Variants in TSBP1 observed in about 807,000 individuals in gnomAD.
The protein encoded by TSBP1 is testis-expressed basic protein 1.
In TSBP1, 56 loss-of-function variants were observed where a neutral mutation model predicts 68.8. The observed-to-expected ratio is 0.81, with a 90% CI of 0.66 to 1.02. TSBP1 has a LOEUF of 1.02. TSBP1 is among the 50% of genes least tolerant of loss of function. The pLI is 0.00. For missense variants in TSBP1, 502 were observed against 641.2 expected, an observed-to-expected ratio of 0.78 and a Z score of 2.34; for synonymous variants, 171 against 208.7, an observed-to-expected ratio of 0.82 and a Z score of 1.56.
Position 32,336,647 on chromosome 6 carries a change from A to C in TSBP1, c.410-12T>G. ...GGCTGTGAATTGCACTGAAATACAAAAAGGAGGAAAGTGTGGTTTGACATT... is the reference window on the plus strand; with the variant it reads ...GGCTGTGAATTGCACTGAAATACAACAAGGAGGAAAGTGTGGTTTGACATT... On this transcript the variant is annotated splice_polypyrimidine_tract_variant and intron_variant, in intron 11 of 22. Coordinates refer to ENST00000612031, the Ensembl canonical transcript of TSBP1. This position sits in a 1 kb window ranked among gnomAD's most constrained non-coding sequence, Gnocchi z 5.2. The C allele has an allele frequency of 6.2e-7, 1 of 1,611,640 alleles. No homozygotes were observed. Among genetic ancestry groups the C allele is most frequent in the Non-Finnish European group, 8.5e-7 (1 of 1,178,746 alleles).
intron 16 of TSBP1, among the ~76,000 whole-genome samples, chr6:32,324,107 T>C (rs1767944642): frequency 6.6e-6 from 1 of 152,162 alleles, no homozygotes; most frequent in Non-Finnish European, 1.5e-5. Context: ...TTCCATAGAG[T>C]TATTTAAAAG....
At position 32,365,744 on chromosome 6, in the gene TSBP1, C is replaced by T. The variant is rs1773628904; in HGVS notation, c.217+423G>A. 2.5e-5 allele frequency: 10 copies of T among 406,568 alleles called. No homozygotes were observed. The highest frequency in any genetic ancestry group is 1.8e-4 in the South Asian group (10 of 55,526). The allele number at this position is 406,568 out of a possible 1,614,324, so 25.2% of individuals were successfully genotyped here. ...GAGGAGTGATGTGGGTAAAGTGAAACTGTTCTTCTTACCCTCTTTAATACA... is the reference window on the plus strand; with the variant it reads ...GAGGAGTGATGTGGGTAAAGTGAAATTGTTCTTCTTACCCTCTTTAATACA... On this transcript the variant is annotated intron_variant, in intron 6 of 22. Transcript: ENST00000612031. This position sits in a 1 kb window ranked among gnomAD's most constrained non-coding sequence, Gnocchi z 4.3.
intron 10 of TSBP1, among the ~76,000 whole-genome samples, 181 bp from the exon 12 acceptor site, chr6:32,339,180 T>C (rs560036812): frequency 1.9e-4 from 29 of 152,166 alleles, no homozygotes; most frequent in African/African-American, 6.3e-4. Context: ...CTGCAGTTAT[T>C]TTTCTTATTC....
At chr6:32,317,192 A>C (rs1286472561) in intron 18 of TSBP1, among the ~76,000 whole-genome samples, 1 of 152,180 alleles carries the variant, frequency 6.6e-6, no homozygotes, top group Non-Finnish European at 1.5e-5. Context: ...AAGCTGAGAA[A>C]AACAAGCAAT....
intron 8 of TSBP1, among the ~76,000 whole-genome samples, chr6:32,352,141 G>T (rs1209575655): frequency 2.0e-5 from 3 of 151,922 alleles, no homozygotes; most frequent in Non-Finnish European, 4.4e-5. Flanking sequence ...GCAAGAAATA[G>T]AAGAGAAAAG....
At chr6:32,320,413 T>C (rs574710) in intron 18 of TSBP1, among the ~76,000 whole-genome samples, 51,841 of 151,946 alleles carry the variant, frequency 0.34, 9,987 homozygotes, top group Middle Eastern at 0.52. Context: ...TTTCTGCTAC[T>C]GGCTTTACTC....
In TSBP1 at chr6:32,332,026, C is replaced by A. The variant is rs777737832; in HGVS notation, c.493+8G>T. 1 of 1,594,844 alleles carries A rather than the reference C, an allele frequency of 6.3e-7. No homozygotes were observed. Among genetic ancestry groups the A allele is most frequent in the Admixed American group, 1.7e-5 (1 of 59,994 alleles). On this transcript the variant is annotated splice_region_variant and intron_variant, in intron 15 of 22. Transcript: ENST00000612031. Reference sequence around the variant, plus strand: ...GTAGAGATAAGTTGATATATACAGGCAGCTTACCAATAGGTCCTGGAGTTT... The same window carrying A: ...GTAGAGATAAGTTGATATATACAGGAAGCTTACCAATAGGTCCTGGAGTTT...
intron 9 of TSBP1, among the ~76,000 whole-genome samples, chr6:32,347,344 T>C (rs1771157580): frequency 6.6e-6 from 1 of 152,168 alleles, no homozygotes; most frequent in South Asian, 2.1e-4. Flanking sequence ...TTATTCATTG[T>C]AGAGACAGGG....
intron 6 of TSBP1, among the ~76,000 whole-genome samples, chr6:32,360,774 G>T (rs1772918849): frequency 6.6e-6 from 1 of 152,026 alleles, no homozygotes; most frequent in Admixed American, 6.6e-5. Flanking sequence ...GATGATTAGT[G>T]ATATTGTGCA....
intron 19 of TSBP1, among the ~76,000 whole-genome samples, chr6:32,305,106 A>G (rs1393131596): frequency 2.6e-5 from 4 of 152,264 alleles, no homozygotes; most frequent in South Asian, 4.2e-4. Context: ...CAAGCCCACC[A>G]AGAGTTTGCC....
At position 32,364,744 on chromosome 6, in the gene TSBP1, A is replaced by G. The variant is rs146634283; in HGVS notation, c.217+1423T>C. 1.1e-3 allele frequency among the ~76,000 whole-genome samples: 169 copies of G among 152,030 alleles called. No homozygotes were observed. The East Asian group carries it at 0.033, about 29-fold the overall frequency. On this transcript the variant is annotated intron_variant, in intron 6 of 22. Transcript: ENST00000612031. ...TGGATTGATTTTTAGGCAAACCTTC[A>G]TTTTTGGGGGTTAGTTACTGAAATA...
Position 32,293,937 on chromosome 6 carries a change from G to A in TSBP1, c.736C>T (p.Arg246Ter), listed in dbSNP as rs768002126. The stretch of plus-strand genomic sequence containing the variant: ...TTTAGTGCTTCCTTGTTTTCTTCTC[G>A]GCTATTCTGAGACCTTGCAGTGCCT... Residue 246 changes from arginine (R) to a stop codon, truncating the protein, a stop_gained, in exon 23 of 23, where the codon CGA becomes TGA. Transcript: ENST00000612031. LOFTEE classifies it low-confidence loss of function (END_TRUNC). The A allele has an allele frequency of 7.1e-5, 114 of 1,612,136 alleles. 1 individual carries two copies. The Admixed American group carries it at 1.8e-3, about 25-fold the overall frequency.
intron 19 of TSBP1, among the ~76,000 whole-genome samples, chr6:32,307,777 GGT>G (rs1562072297): frequency 2.1e-5 from 3 of 142,208 alleles, no homozygotes; most frequent in Admixed American, 7.1e-5. Context: ...TTAATTGCCT[GGT>G]TTTTTTTTTT....
rs1233727085 is a variant in TSBP1 at position 32,314,970 on chromosome 6, G to A, written c.580+802C>T. ...GTTCCCAGGAGACTCACCTCAACTC[G>A]CTCATTTACTGACCTGCCTGGGCTC... On this transcript the variant is annotated intron_variant, in intron 19 of 22. Coordinates refer to ENST00000612031, the Ensembl canonical transcript of TSBP1. The surrounding 1 kb of genome is among the most constrained non-coding windows in gnomAD (Gnocchi z 4.2). Among the ~76,000 whole-genome samples the A allele has an allele frequency of 2.0e-5, 3 of 152,116 alleles. No homozygotes were observed. Among genetic ancestry groups the A allele is most frequent in the Admixed American group, 2.0e-4 (3 of 15,276 alleles).
At chr6:32,339,033 G>C (rs773017014) in intron 10 of TSBP1, 34 bp from the exon 12 acceptor site, 9 of 1,588,722 alleles carry the variant, frequency 5.7e-6, no homozygotes, top group African/African-American at 2.7e-5. Context: ...AGTTTGAAGA[G>C]AGCATGACTC....
intron 6 of TSBP1, among the ~76,000 whole-genome samples, chr6:32,363,461 T>G (rs542188774): frequency 6.6e-6 from 1 of 151,944 alleles, no homozygotes; most frequent in South Asian, 2.1e-4. Flanking sequence ...TCTTCCTGTC[T>G]TTCTTTGTGA....
rs1765812340 is a variant in TSBP1, at chr6:32,306,719, T to C, written c.581-4090A>G. Among the ~76,000 whole-genome samples the C allele has an allele frequency of 6.6e-6, 1 of 152,088 alleles. No individual in the cohort carries two copies. Among genetic ancestry groups the C allele is most frequent in the Non-Finnish European group, 1.5e-5 (1 of 67,980 alleles). ...ATTTAAGAACATATAAAGCAAGTTG[T>C]CTGTCCCTCCCTCCCTCCTTCTCTC... On this transcript the variant is annotated intron_variant, in intron 19 of 22. Transcript: ENST00000612031. The surrounding 1 kb of genome is among the most constrained non-coding windows in gnomAD (Gnocchi z 5.1).
At position 32,337,967 on chromosome 6, in the gene TSBP1, T is replaced by C. The variant is rs1769868292; in HGVS notation, c.409+1012A>G. Among the ~76,000 whole-genome samples, 1 of 152,234 alleles carries C rather than the reference T, an allele frequency of 6.6e-6. No individual in the cohort carries two copies. Among genetic ancestry groups the C allele is most frequent in the African/African-American group, 2.4e-5 (1 of 41,460 alleles). On this transcript the variant is annotated intron_variant, in intron 11 of 22. Coordinates refer to ENST00000612031, the Ensembl canonical transcript of TSBP1. This position sits in a 1 kb window ranked among gnomAD's most constrained non-coding sequence, Gnocchi z 5.5. Reference sequence around the variant, plus strand: ...TTTCTCCTTCCTTCAGAGTTAGTCCTGTCTCAGGGGCTCAAGCTCTGAACA... The same window carrying C: ...TTTCTCCTTCCTTCAGAGTTAGTCCCGTCTCAGGGGCTCAAGCTCTGAACA...
chr6:32,298,096 T>C (rs1251150720), intron 22 of TSBP1, among the ~76,000 whole-genome samples: 1 of 152,124 alleles, frequency 6.6e-6, no homozygotes, highest in East Asian at 1.9e-4. Flanking sequence ...GCCCTTGTAT[T>C]AGTCAGGGTT....
Sources: gnomAD v4.1 joint callset for allele counts (sites outside exome capture counted in the v4.1 genomes callset) on GRCh38, gnomAD v4.1.1 for gene constraint, Gnocchi (gnomAD v3.1) non-coding constraint, MANE v1.5 for transcripts, NCBI Gene and HGNC (gene_info 2026-07-23, HGNC 2026-07-21) for gene names.